The following SLC29A4 variants were observed in gnomAD, a reference collection of about 807,000 sequenced individuals.
The protein encoded by SLC29A4 is equilibrative nucleoside transporter 4.
In SLC29A4, 36 loss-of-function variants were observed where a neutral mutation model predicts 43.9. That is an observed-to-expected ratio of 0.82 (90% CI 0.63 to 1.08). The LOEUF (loss-of-function observed/expected upper bound fraction) is 1.08, where lower values mean the gene tolerates loss of function less well. Ranked by LOEUF, SLC29A4 falls within the 50% of genes least tolerant of loss-of-function variation. SLC29A4 has a pLI of 0.00. For missense variants in SLC29A4, 869 were observed against 755.3 expected, an observed-to-expected ratio of 1.15 and a Z score of -1.77; for synonymous variants, 491 against 338.0, an observed-to-expected ratio of 1.45 and a Z score of -4.97.
chr7:5,297,090 G>T lies in SLC29A4; in HGVS notation c.774G>T (p.Val258=), dbSNP rs1348598774. 1.9e-6 allele frequency: 3 copies of T among 1,607,936 alleles called. No individual in the cohort carries two copies. Among genetic ancestry groups the T allele is most frequent in the Non-Finnish European group, 2.5e-6 (3 of 1,179,754 alleles). Residue 258 remains valine, a synonymous_variant, in exon 7 of 11, where the codon GTG becomes GTT. Coordinates refer to ENST00000396872, the MANE Select transcript of SLC29A4 (RefSeq NM_153247.4). ...LHLLVRRSRF[V]LFYTTRPRDS... ...TGTTAGTGCGGCGCAGCCGCTTCGT[G>T]CTCTTCTATACCACACGGCCGCGTG...
chr7:5,284,732 C>G (rs1427589086), intron 1 of SLC29A4, among the ~76,000 whole-genome samples: 1 of 152,200 alleles, frequency 6.6e-6, no homozygotes, highest in African/African-American at 2.4e-5. Flanking sequence ...TCCCCACCCC[C>G]TCCACCATGG....
chr7:5,293,565 T>A (rs920383713), intron 5 of SLC29A4, among the ~76,000 whole-genome samples: 4 of 152,340 alleles, frequency 2.6e-5, no homozygotes, highest in African/African-American at 7.2e-5. Flanking sequence ...TGTGTATTTA[T>A]AAATGATGTC....
At chr7:5,291,963 A>G in intron 5 of SLC29A4, 142 bp downstream of exon 5, 2 of 1,196,922 alleles carry the variant, frequency 1.7e-6, no homozygotes, top group Non-Finnish European at 2.3e-6. Flanking sequence ...CCTGCATGCC[A>G]GCGTGCACAC....
intron 5 of SLC29A4, among the ~76,000 whole-genome samples, chr7:5,293,963 G>A (rs927453171): frequency 1.4e-4 from 22 of 152,044 alleles, no homozygotes; most frequent in South Asian, 4.1e-4. Flanking sequence ...AAAATTAGCC[G>A]GGTGTGGTGG....
intron 6 of SLC29A4, among the ~76,000 whole-genome samples, chr7:5,296,339 G>A (rs556484372): frequency 6.7e-4 from 101 of 151,444 alleles, no homozygotes; most frequent in South Asian, 2.7e-3. Context: ...CTCAGAGCAG[G>A]AGGGTGCAGC....
chr7:5,302,857 G>C lies in SLC29A4; in HGVS notation c.1511G>C (p.Cys504Ser). 6.3e-7 allele frequency: 1 copy of C among 1,598,850 alleles called. No individual in the cohort carries two copies. The highest frequency in any genetic ancestry group is 8.5e-7 in the Non-Finnish European group (1 of 1,173,148). Residue 504 changes from cysteine to serine, a missense_variant, in exon 11 of 11, where the codon TGC becomes TCC. By Grantham distance (112) the Cys-to-Ser change is moderately radical. Coordinates refer to ENST00000396872, the MANE Select transcript of SLC29A4 (RefSeq NM_153247.4). ...GLTLGSAVAY[C>S]TYSLTRDAHG... ...ACGCTGGGGTCCGCCGTGGCCTACT[G>C]CACCTACAGCCTCACCCGCGACGCT...
Position 5,291,965 on chromosome 7 carries a change from C to T in SLC29A4, c.544+144C>T, listed in dbSNP as rs118094682. ...AGGTGTGTGTCCACCTGCATGCCAG[C>T]GTGCACACCGGCTCACACCCACAGG... On this transcript the variant is annotated intron_variant, in intron 5 of 10. Coordinates refer to ENST00000396872, the MANE Select transcript of SLC29A4 (RefSeq NM_153247.4). 2.2e-3 allele frequency: 2,554 copies of T among 1,177,270 alleles called. 32 individuals carry two copies. In the East Asian group the frequency reaches 0.031, roughly 14 times the overall value. The allele number at this position is 1,177,270 out of a possible 1,614,324, so 72.9% of individuals were successfully genotyped here.
rs575178536 is a variant in SLC29A4 at position 5,305,311 on chromosome 7, C to T, written c.*2372C>T. On this transcript the variant is annotated 3_prime_UTR_variant, in exon 11 of 11. Transcript: ENST00000396872. ...GCCCATGCCGGGCCCTTCCCTTGCC[C>T]GAGGCCGGCTGGCTGCCCTCCATGG... 11 of 152,430 alleles carry T rather than the reference C, an allele frequency of 7.2e-5. No homozygotes were observed. The East Asian group carries it at 9.7e-4, about 13-fold the overall frequency. 9.4% of individuals were successfully genotyped at this position (152,430 alleles called of 1,614,324 possible).
rs1381864021 is a variant in SLC29A4, at chr7:5,306,237, C to T, written c.*3298C>T. ...TTTTTGAGACAATCTCTGTCACCCC[C>T]AGGCCAGAGTGCAGTGGTGCGATCT... is the stretch of plus-strand genomic sequence containing the variant. On this transcript the variant is annotated 3_prime_UTR_variant, in exon 11 of 11. Coordinates refer to ENST00000396872, the MANE Select transcript of SLC29A4 (RefSeq NM_153247.4). The T allele has an allele frequency of 7.4e-6, 1 of 135,290 alleles. No individual in the cohort carries two copies. The highest frequency in any genetic ancestry group is 2.8e-5 in the African/African-American group (1 of 35,264). The allele number at this position is 135,290 out of a possible 1,614,324, so 8.4% of individuals were successfully genotyped here. A position where few individuals can be genotyped will look rare whatever the true frequency, so the allele number is the denominator to read the frequency against.
chr7:5,301,156 C>A (rs542586429), intron 10 of SLC29A4, among the ~76,000 whole-genome samples: 11 of 151,700 alleles, frequency 7.3e-5, no homozygotes, highest in African/African-American at 2.4e-4. Context: ...CCCAGCTACT[C>A]GGGAGGCTGA....
At chr7:5,298,013 GTA>G (rs1206517490) in intron 7 of SLC29A4, among the ~76,000 whole-genome samples, 1 of 152,230 alleles carries the variant, frequency 6.6e-6, no homozygotes, top group Non-Finnish European at 1.5e-5. Flanking sequence ...GCCGGCAGCT[GTA>G]CAGGCTTGGG....
chr7:5,292,688 TC>T, intron 5 of SLC29A4, among the ~76,000 whole-genome samples: 1 of 139,794 alleles, frequency 7.2e-6, no homozygotes, highest in Non-Finnish European at 1.5e-5. Context: ...GACATTTTTT[TC>T]CTTTTTTTTT....
At chr7:5,287,275 A>G (rs979890880) in intron 1 of SLC29A4, among the ~76,000 whole-genome samples, 1 of 152,168 alleles carries the variant, frequency 6.6e-6, no homozygotes, top group African/African-American at 2.4e-5. Context: ...AAAATTAGCC[A>G]GGCATGGTGT....
rs538968542 is a variant in SLC29A4 at position 5,295,253 on chromosome 7, C to T, written c.619+319C>T. ...TGTGTTTGGTAAGTCTGCGTGTGCG[C>T]GTGTGTTAGGAGGTGGGCCCCGTCC... On this transcript the variant is annotated intron_variant, in intron 6 of 10. Coordinates refer to ENST00000396872, the MANE Select transcript of SLC29A4 (RefSeq NM_153247.4). Among the ~76,000 whole-genome samples the T allele has an allele frequency of 4.6e-5, 7 of 152,140 alleles. No individual in the cohort carries two copies. The East Asian group carries it at 7.7e-4, about 17-fold the overall frequency.
chr7:5,299,191 C>T, intron 8 of SLC29A4, 49 bp from the exon 9 acceptor site: 3 of 1,598,064 alleles, frequency 1.9e-6, no homozygotes, highest in Non-Finnish European at 2.6e-6. Flanking sequence ...GGGAGGCAGG[C>T]AGGGGTCCCC....
At chr7:5,284,506 A>G (rs1407939856) in intron 1 of SLC29A4, among the ~76,000 whole-genome samples, 1 of 152,264 alleles carries the variant, frequency 6.6e-6, no homozygotes, top group Non-Finnish European at 1.5e-5. Context: ...TCAAGGGGTC[A>G]CGGCAGCGCA....
intron 5 of SLC29A4, among the ~76,000 whole-genome samples, chr7:5,293,595 C>T (rs1279153693): frequency 6.6e-6 from 1 of 152,138 alleles, no homozygotes; most frequent in Non-Finnish European, 1.5e-5. Context: ...TGAACTAATA[C>T]TCCCAATACT....
chr7:5,292,773 A>AC (rs1785390833), intron 5 of SLC29A4, among the ~76,000 whole-genome samples: 1 of 131,232 alleles, frequency 7.6e-6, no homozygotes, highest in East Asian at 2.3e-4. Context: ...ATCTCAACTC[A>AC]CTGCAACCTC....
At position 5,290,787 on chromosome 7, in the gene SLC29A4, G is replaced by A. The variant is rs767843596; in HGVS notation, c.225G>A (p.Leu75=). Residue 75 remains leucine, a synonymous_variant, in exon 3 of 11, where the codon CTG becomes CTA. Transcript: ENST00000396872. Reference sequence around the variant, plus strand: ...ATCACGCCATCTACTTTGCGATGCTGCTGGCTGGCGTGGGCTTCCTGCTGC... The same window carrying A: ...ATCACGCCATCTACTTTGCGATGCTACTGGCTGGCGTGGGCTTCCTGCTGC... ...DRYHAIYFAM[L]LAGVGFLLPY... is the part of the protein sequence containing the mutation. 2 of 1,614,038 alleles carry A rather than the reference G, an allele frequency of 1.2e-6. No individual in the cohort carries two copies. The highest frequency in any genetic ancestry group is 3.3e-5 in the Admixed American group (2 of 60,018).
Sources: gnomAD v4.1 joint callset for allele counts (sites outside exome capture counted in the v4.1 genomes callset) on GRCh38, gnomAD v4.1.1 for gene constraint, MANE v1.5 for transcripts, NCBI Gene and HGNC (gene_info 2026-07-23, HGNC 2026-07-21) for gene names.